The following SMURF1 variants were observed in gnomAD, a reference collection of about 807,000 sequenced individuals.
SMURF1 encodes the protein SMAD specific E3 ubiquitin protein ligase 1, also known as E3 ubiquitin-protein ligase SMURF1.
SMURF1 carries 44 observed loss-of-function variants against 98.0 expected under a neutral mutation model. The ratio of observed to expected loss-of-function variants is 0.45; its 90% CI spans 0.35 to 0.58. SMURF1 has a LOEUF of 0.58. SMURF1 is among the 20% of genes least tolerant of loss of function. The pLI is 0.00. For missense variants in SMURF1, 687 were observed against 938.4 expected, an observed-to-expected ratio of 0.73 and a Z score of 3.50; for synonymous variants, 396 against 374.9, an observed-to-expected ratio of 1.06 and a Z score of -0.65.
chr7:99,027,667 A>G lies in SMURF1; in HGVS notation c.*2917T>C, dbSNP rs751791290. On this transcript the variant is annotated 3_prime_UTR_variant, in exon 18 of 18. Coordinates refer to ENST00000361368, the MANE Select transcript of SMURF1 (RefSeq NM_181349.3). ...GGGAAGGATAACAAGGATAGCAGCA[A>G]TACTTCAAAACAAGACATTACAAAA... is the stretch of plus-strand genomic sequence containing the variant. 1.5e-4 allele frequency: 23 copies of G among 152,818 alleles called. No individual in the cohort carries two copies. The highest frequency in any genetic ancestry group is 9.8e-4 in the Admixed American group (15 of 15,308). 9.5% of individuals were successfully genotyped at this position (152,818 alleles called of 1,614,324 possible).
At chr7:99,096,281 C>G (rs1005558160) in intron 1 of SMURF1, among the ~76,000 whole-genome samples, 1 of 152,132 alleles carries the variant, frequency 6.6e-6, no homozygotes, top group Non-Finnish European at 1.5e-5. Context: ...AACCACAACC[C>G]GCAAAAGGCT....
rs764491436 is a variant in SMURF1, at chr7:99,047,835, C to G, written c.1001G>C (p.Ser334Thr). 6.2e-7 allele frequency: 1 copy of G among 1,614,210 alleles called. No homozygotes were observed. The highest frequency in any genetic ancestry group is 8.5e-7 in the Non-Finnish European group (1 of 1,180,040). The change falls in exon 10 of 18, where the codon AGT becomes ACT. Residue 334 changes from serine (S) to threonine (T), a missense_variant. Coordinates refer to ENST00000361368, the MANE Select transcript of SMURF1 (RefSeq NM_181349.3). ...CTCCTCGTCCTCCAGAGAGCCCTCA[C>G]TGGGCAGTGGCAGCGGCTGGCTGGG... Reference protein sequence around the residue: ...KEPSQPLPLPSEGSLEDEELP... With the variant: ...KEPSQPLPLPTEGSLEDEELP...
At chr7:99,050,742 C>A in intron 8 of SMURF1, 1 of 560,340 alleles carries the variant, frequency 1.8e-6, no homozygotes. Context: ...TAAACATAGT[C>A]TTGGAAAATC....
At chr7:99,117,056 AT>A (rs34755225) in intron 1 of SMURF1, among the ~76,000 whole-genome samples, 5 of 150,548 alleles carry the variant, frequency 3.3e-5, no homozygotes, top group East Asian at 2.0e-4. Flanking sequence ...TTTACAGTCA[AT>A]TTTTTTTTTC....
intron 1 of SMURF1, among the ~76,000 whole-genome samples, chr7:99,071,758 C>A (rs1796328472): frequency 6.6e-6 from 1 of 152,096 alleles, no homozygotes; most frequent in African/African-American, 2.4e-5. Context: ...CTTAAATAAA[C>A]CCAGTGGAAT....
At chr7:99,038,635 A>G in intron 13 of SMURF1, 110 bp from the exon 14 acceptor site, 3 of 1,318,148 alleles carry the variant, frequency 2.3e-6, no homozygotes, top group Non-Finnish European at 3.1e-6. Flanking sequence ...AAGACAGGAC[A>G]GCCTCGGGCA....
At chr7:99,122,481 TA>T (rs960430942) in intron 1 of SMURF1, among the ~76,000 whole-genome samples, 1 of 150,992 alleles carries the variant, frequency 6.6e-6, no homozygotes, top group African/African-American at 2.4e-5. Flanking sequence ...TCATCTCTAC[TA>T]AAAAATACAA....
Position 99,055,827 on chromosome 7 carries a change from G to A in SMURF1, c.404-962C>T, listed in dbSNP as rs1162606553. On this transcript the variant is annotated intron_variant, in intron 5 of 17. Transcript: ENST00000361368. Reference sequence around the variant, plus strand: ...TACAAATACAAAAAATTACCCAGGCGTGGTGGCAAGCAGCTGTAACTCCAG... The same window carrying A: ...TACAAATACAAAAAATTACCCAGGCATGGTGGCAAGCAGCTGTAACTCCAG... Among the ~76,000 whole-genome samples, 4 of 152,058 alleles carry A rather than the reference G, an allele frequency of 2.6e-5. 1 individual carries two copies. Among genetic ancestry groups the A allele is most frequent in the South Asian group, 4.1e-4 (2 of 4,820 alleles).
intron 8 of SMURF1, among the ~76,000 whole-genome samples, 193 bp downstream of exon 8, chr7:99,051,164 A>G (rs997569624): frequency 2.0e-5 from 3 of 152,216 alleles, no homozygotes; most frequent in Non-Finnish European, 2.9e-5. Flanking sequence ...AAGGTCAACA[A>G]TGACTCACGT....
intron 10 of SMURF1, among the ~76,000 whole-genome samples, chr7:99,046,650 T>G (rs1795589100): frequency 6.9e-6 from 1 of 144,588 alleles, no homozygotes; most frequent in Non-Finnish European, 1.5e-5. Flanking sequence ...GAGAATCGCT[T>G]GAACCTGGGA....
At chr7:99,137,880 A>C (rs1422990659) in intron 1 of SMURF1, among the ~76,000 whole-genome samples, 1 of 152,236 alleles carries the variant, frequency 6.6e-6, no homozygotes, top group East Asian at 1.9e-4. Flanking sequence ...ATCTGGAGAC[A>C]AAACAGTAAT....
At chr7:99,062,259 G>A (rs1366676470) in intron 1 of SMURF1, among the ~76,000 whole-genome samples, 1 of 151,900 alleles carries the variant, frequency 6.6e-6, no homozygotes, top group African/African-American at 2.4e-5. Context: ...CACCATGCCT[G>A]GCTAAATGTT....
At position 99,124,029 on chromosome 7, in the gene SMURF1, G is replaced by A. The variant is rs141041033; in HGVS notation, c.55+19697C>T. ...GATTTGGCCAAGGCTACTGGTATGT[G>A]GTGGAACTGGGTTGGCTGACTCCAT... On this transcript the variant is annotated intron_variant, in intron 1 of 17. Coordinates refer to ENST00000361368, the MANE Select transcript of SMURF1 (RefSeq NM_181349.3). Among the ~76,000 whole-genome samples the A allele has an allele frequency of 5.5e-4, 84 of 152,260 alleles. 1 individual carries two copies. Among genetic ancestry groups the A allele is most frequent in the African/African-American group, 1.9e-3 (78 of 41,558 alleles).
At chr7:99,045,156 A>C (rs546613422) in intron 11 of SMURF1, among the ~76,000 whole-genome samples, 1 of 152,330 alleles carries the variant, frequency 6.6e-6, no homozygotes, top group African/African-American at 2.4e-5. Flanking sequence ...ACCAAAAAAA[A>C]AAAATTGTCT....
chr7:99,063,247 A>T (rs1296621761), intron 1 of SMURF1, among the ~76,000 whole-genome samples: 39 of 2,112 alleles, frequency 0.018, 2 homozygotes, highest in East Asian at 0.16. Context: ...TTATTTATAT[A>T]TATATATATA....
intron 3 of SMURF1, among the ~76,000 whole-genome samples, chr7:99,059,379 C>A (rs1353425148): frequency 3.8e-4 from 52 of 136,848 alleles, no homozygotes; most frequent in African/African-American, 1.4e-3. Flanking sequence ...GCCTGGGCGA[C>A]AGAGCAAGAC....
In SMURF1 at chr7:99,069,037, T is replaced by C. The variant is rs548651013; in HGVS notation, c.56-7200A>G. 1.2e-4 allele frequency among the ~76,000 whole-genome samples: 19 copies of C among 152,328 alleles called. No homozygotes were observed. In the South Asian group the frequency reaches 3.7e-3, roughly 30 times the overall value. ...TTCATAAAACGAAACTAATTTTAAG[T>C]GGCTGTTCTTTGTTGTGATGTTATG... On this transcript the variant is annotated intron_variant, in intron 1 of 17. Transcript: ENST00000361368.
chr7:99,038,506 C>T lies in SMURF1; in HGVS notation c.1570G>A (p.Val524Ile), dbSNP rs1318868030. The T allele has an allele frequency of 6.2e-6, 10 of 1,614,208 alleles. No individual in the cohort carries two copies. The highest frequency in any genetic ancestry group is 1.1e-5 in the South Asian group (1 of 91,082). ...TCCACGCAGAAGGTGTGGTCCAGTA[C>T]AGGCGTGATGTCGTTCTCTCTGTTG... is the stretch of plus-strand genomic sequence containing the variant. ...VWILENDITP[V>I]LDHTFCVEHN... Residue 524 changes from valine to isoleucine, a missense_variant, in exon 14 of 18, where the codon GTA (valine) becomes ATA (isoleucine). Transcript: ENST00000361368.
At chr7:99,037,519 A>C (rs547241409) in intron 14 of SMURF1, among the ~76,000 whole-genome samples, 2 of 152,176 alleles carry the variant, frequency 1.3e-5, no homozygotes, top group Non-Finnish European at 1.5e-5. Context: ...GATTACAGGC[A>C]TGAGCCACTG....
Sources: allele counts gnomAD v4.1 joint callset (sites outside exome capture counted in the v4.1 genomes callset), GRCh38; gene constraint gnomAD v4.1.1; transcripts MANE v1.5; gene names NCBI Gene and HGNC (gene_info 2026-07-23, HGNC 2026-07-21).